Variants in LSP1 observed in about 807,000 individuals in gnomAD.
LSP1 encodes the protein lymphocyte-specific protein 1.
In LSP1, 32 loss-of-function variants were observed where a neutral mutation model predicts 49.3. The ratio of observed to expected loss-of-function variants is 0.65; its 90% CI spans 0.49 to 0.87. The LOEUF is 0.87. Ranked by LOEUF, LSP1 falls within the 40% of genes least tolerant of loss-of-function variation. LSP1 has a pLI of 0.00. For synonymous variants in LSP1, 179 were observed against 178.8 expected, an observed-to-expected ratio of 1.00 and a Z score of -0.01; for missense variants, 428 against 442.6, an observed-to-expected ratio of 0.97 and a Z score of 0.30.
chr11:1,881,915 G>A (rs1848564287), intron 3 of LSP1, among the ~76,000 whole-genome samples: 4 of 152,170 alleles, frequency 2.6e-5, no homozygotes, highest in Admixed American at 2.6e-4. Flanking sequence ...CAGGGCCCCT[G>A]GGCCCCATCC....
intron 1 of LSP1, among the ~76,000 whole-genome samples, chr11:1,854,904 G>A (rs907439892): frequency 6.6e-5 from 10 of 152,152 alleles, no homozygotes; most frequent in Non-Finnish European, 1.5e-4. Flanking sequence ...CCTCCCAGCT[G>A]TCTCAAATGC....
intron 1 of LSP1, among the ~76,000 whole-genome samples, chr11:1,865,721 G>A (rs1410097562): frequency 6.6e-6 from 1 of 151,428 alleles, no homozygotes; most frequent in Non-Finnish European, 1.5e-5. Context: ...CGAGCCCCAG[G>A]GATTCTGCTT....
chr11:1,869,063 G>C, intron 1 of LSP1: 2 of 963,322 alleles, frequency 2.1e-6, no homozygotes, highest in Non-Finnish European at 2.5e-6. Flanking sequence ...TTGTGGGAGA[G>C]AAGCCCTTGG....
At chr11:1,879,214 G>T (rs1441038637) in intron 1 of LSP1, among the ~76,000 whole-genome samples, 2 of 152,144 alleles carry the variant, frequency 1.3e-5, no homozygotes, top group African/African-American at 4.8e-5. Context: ...GTATGGTGGT[G>T]CATGCCTGTA....
intron 10 of LSP1, chr11:1,889,726 T>A: frequency 1.5e-6 from 1 of 653,342 alleles, no homozygotes; most frequent in East Asian, 2.7e-5. Context: ...CCAGGGCCCA[T>A]GGGGACCAGG....
intron 1 of LSP1, among the ~76,000 whole-genome samples, chr11:1,875,541 A>G (rs1450229014): frequency 6.6e-6 from 1 of 152,164 alleles, no homozygotes; most frequent in African/African-American, 2.4e-5. Context: ...ACCCAAGTTC[A>G]AGGCCTCCTC....
Position 1,870,189 on chromosome 11 carries a change from T to G in LSP1, c.54-9898T>G, listed in dbSNP as rs752409856. ...AGGCCGGTCCACTTGACCTCAGCCA[T>G]GAGGACATCCCAAGGCCATGTGAGT... On this transcript the variant is annotated intron_variant, in intron 1 of 10. Transcript: ENST00000311604. The G allele has an allele frequency of 6.9e-6, 7 of 1,020,658 alleles. No homozygotes were observed. In the South Asian group the frequency reaches 9.3e-5, roughly 14 times the overall value. The allele number at this position is 1,020,658 out of a possible 1,614,324, so 63.2% of individuals were successfully genotyped here.
At chr11:1,861,525 TG>T (rs1159810465) in intron 1 of LSP1, among the ~76,000 whole-genome samples, 2 of 152,086 alleles carry the variant, frequency 1.3e-5, no homozygotes, top group African/African-American at 4.8e-5. Flanking sequence ...GATGGGTGGA[TG>T]GATAGATGCA....
intron 10 of LSP1, chr11:1,889,397 C>A: frequency 1.4e-6 from 1 of 695,518 alleles, no homozygotes; most frequent in Non-Finnish European, 2.7e-6. Flanking sequence ...TCCTGGAGGT[C>A]CGGGAGGCGG....
At chr11:1,866,960 C>T (rs752603238) in intron 1 of LSP1, 11 of 1,442,992 alleles carry the variant, frequency 7.6e-6, no homozygotes, top group South Asian at 5.5e-5. Context: ...GGCCCAGGCT[C>T]GGGGCCAGTC....
chr11:1,872,976 G>T (rs1223097828), intron 1 of LSP1, among the ~76,000 whole-genome samples: 1 of 152,046 alleles, frequency 6.6e-6, no homozygotes, highest in Non-Finnish European at 1.5e-5. Flanking sequence ...AGCGGTGGGG[G>T]GTGGGGGTAT....
intron 1 of LSP1, chr11:1,870,479 C>T: frequency 8.4e-7 from 1 of 1,196,160 alleles, no homozygotes; most frequent in South Asian, 1.6e-5. Flanking sequence ...CGGGGAGGGG[C>T]CGGTGGCCAG....
chr11:1,868,205 G>A (rs563625490), intron 1 of LSP1, among the ~76,000 whole-genome samples: 261 of 152,358 alleles, frequency 1.7e-3, no homozygotes, highest in Non-Finnish European at 3.1e-3. Context: ...GTGGGGTCCT[G>A]GCTTTGTGAG....
rs537932344 is a variant in LSP1, at chr11:1,858,963, C to T, written c.53+5766C>T. 5.7e-4 allele frequency among the ~76,000 whole-genome samples: 87 copies of T among 152,342 alleles called. 2 individuals carry two copies. In the South Asian group the frequency reaches 0.017, roughly 30 times the overall value. On this transcript the variant is annotated intron_variant, in intron 1 of 10. Coordinates refer to ENST00000311604, the MANE Select transcript of LSP1 (RefSeq NM_002339.3). ...CAGGCAAGTCCTATCCTAACTCCAT[C>T]TGCTAACTGCCTCCAAGCTGCTTGT... is the stretch of plus-strand genomic sequence containing the variant.
chr11:1,867,014 G>A lies in LSP1; in HGVS notation c.54-13073G>A. The A allele has an allele frequency of 5.9e-6, 7 of 1,188,690 alleles. No homozygotes were observed. In the South Asian group the frequency reaches 1.1e-4, roughly 19 times the overall value. The allele number at this position is 1,188,690 out of a possible 1,614,324, so 73.6% of individuals were successfully genotyped here. A position where few individuals can be genotyped will look rare whatever the true frequency, so the allele number is the denominator to read the frequency against. ...AGACACTGAAGCCGCGTGGGCCCAG[G>A]CTCAGGGCCAGTCCCTGTGGACCTG... On this transcript the variant is annotated intron_variant, in intron 1 of 10. Transcript: ENST00000311604.
At chr11:1,858,426 C>A (rs538263516) in intron 1 of LSP1, among the ~76,000 whole-genome samples, 18 of 152,346 alleles carry the variant, frequency 1.2e-4, no homozygotes, top group Non-Finnish European at 1.9e-4. Context: ...TGGGACCGGG[C>A]GCTGCAGGAC....
chr11:1,868,229 G>T (rs76719806), intron 1 of LSP1, among the ~76,000 whole-genome samples: 2 of 152,212 alleles, frequency 1.3e-5, no homozygotes, highest in Non-Finnish European at 2.9e-5. Context: ...GCACCAGGCC[G>T]GCTGAGAGTG....
chr11:1,870,134 G>C (rs1405474673), intron 1 of LSP1: 6 of 545,468 alleles, frequency 1.1e-5, no homozygotes, highest in Non-Finnish European at 1.7e-5. Context: ...CTTTAAACGG[G>C]GATGTCTGGA....
Position 1,860,342 on chromosome 11 carries a change from T to C in LSP1, c.53+7145T>C, listed in dbSNP as rs369257732. 3.3e-5 allele frequency among the ~76,000 whole-genome samples: 5 copies of C among 151,720 alleles called. No homozygotes were observed. The South Asian group carries it at 1.0e-3, about 32-fold the overall frequency. ...ATGGAGGGATGAGTGGATGGATAGG[T>C]GCATGGATCGATGGACAGGTGGGTG... On this transcript the variant is annotated intron_variant, in intron 1 of 10. Coordinates refer to ENST00000311604, the MANE Select transcript of LSP1 (RefSeq NM_002339.3).
Sources: gnomAD v4.1 joint callset for allele counts (sites outside exome capture counted in the v4.1 genomes callset) on GRCh38, gnomAD v4.1.1 for gene constraint, MANE v1.5 for transcripts, NCBI Gene and HGNC (gene_info 2026-07-23, HGNC 2026-07-21) for gene names.